Variants in IYD observed in about 807,000 individuals in gnomAD.
IYD encodes iodotyrosine deiodinase.
A neutral mutation model predicts 28.4 loss-of-function variants in IYD; 25 were observed. The observed-to-expected ratio is 0.88, with a 90% CI of 0.64 to 1.23. IYD has a LOEUF of 1.23. Among genes scored for constraint, IYD ranks in the 50% most tolerant of loss-of-function variants. The pLI is 0.00. For synonymous variants in IYD, 140 were observed against 130.8 expected (o/e 1.07, Z -0.48); for missense variants, 352 against 357.9 (o/e 0.98, Z 0.13).
At chr6:150,382,561 CTCTT>C (rs1777686363) in intron 1 of IYD, among the ~76,000 whole-genome samples, 1 of 137,352 alleles carries the variant, frequency 7.3e-6, no homozygotes, top group South Asian at 2.3e-4. Context: ...TTTCCTCTCT[CTCTT>C]CTCCTTTCAG....
At chr6:150,382,034 C>T (rs1777662736) in intron 1 of IYD, among the ~76,000 whole-genome samples, 2 of 152,168 alleles carry the variant, frequency 1.3e-5, no homozygotes, top group South Asian at 2.1e-4. Flanking sequence ...TGATGTACCA[C>T]GCAGATCCCC....
chr6:150,380,030 G>T (rs1344725298), intron 1 of IYD, among the ~76,000 whole-genome samples: 2 of 152,156 alleles, frequency 1.3e-5, no homozygotes, highest in African/African-American at 4.8e-5. Context: ...TCTTCAGAGA[G>T]TGAGGGAGGA....
At chr6:150,372,713 GGTGAGGGAACAT>G in intron 1 of IYD, among the ~76,000 whole-genome samples, 2 of 73,766 alleles carry the variant, frequency 2.7e-5, no homozygotes, top group African/African-American at 1.2e-4. Context: ...TGTTGGGGGT[GGTGAGGGAACAT>G]TGTGTGACCA....
At chr6:150,383,829 A>G (rs1007396758) in intron 1 of IYD, among the ~76,000 whole-genome samples, 10 of 150,624 alleles carry the variant, frequency 6.6e-5, no homozygotes, top group Non-Finnish European at 1.5e-4. Context: ...AACAAAAAAA[A>G]TTAATGTTTA....
At chr6:150,375,744 G>T (rs1218782311) in intron 1 of IYD, among the ~76,000 whole-genome samples, 2 of 152,156 alleles carry the variant, frequency 1.3e-5, no homozygotes, top group Admixed American at 6.5e-5. Flanking sequence ...TGAAGCAGCT[G>T]GGAAAGAGGC....
At chr6:150,383,618 A>G (rs928150589) in intron 1 of IYD, among the ~76,000 whole-genome samples, 1 of 152,152 alleles carries the variant, frequency 6.6e-6, no homozygotes, top group African/African-American at 2.4e-5. Flanking sequence ...TGCCACAACC[A>G]CAAATTGCAG....
chr6:150,392,593 G>A (rs933044444), intron 3 of IYD, 89 bp downstream of exon 3: 44 of 1,362,596 alleles, frequency 3.2e-5, no homozygotes, highest in South Asian at 6.1e-5. Context: ...TGTTGTAAGC[G>A]TGAAAAAGCT....
intron 1 of IYD, among the ~76,000 whole-genome samples, chr6:150,381,569 A>G (rs1777648410): frequency 1.3e-5 from 2 of 152,228 alleles, no homozygotes; most frequent in Non-Finnish European, 2.9e-5. Context: ...GTTAAGAAAT[A>G]TACACATCCA....
At chr6:150,397,991 G>C in intron 4 of IYD, 64 bp from the exon 5 acceptor site, 1 of 1,494,686 alleles carries the variant, frequency 6.7e-7, no homozygotes, top group Non-Finnish European at 9.3e-7. Context: ...AGGTCCCCAG[G>C]TTAGAGGGAG....
chr6:150,392,507 A>G lies in IYD; in HGVS notation c.530+3A>G. ...GTCACAGACCTCAAGAAACTGAGGT[A>G]CAAACAGTGGTGGAACTGGGGATGT... On this transcript the variant is annotated splice_donor_region_variant and intron_variant, in intron 3 of 4. Coordinates refer to ENST00000344419, the MANE Select transcript of IYD (RefSeq NM_203395.3). 3 of 1,613,646 alleles carry G rather than the reference A, an allele frequency of 1.9e-6. No individual in the cohort carries two copies. Among genetic ancestry groups the G allele is most frequent in the Non-Finnish European group, 2.5e-6 (3 of 1,179,684 alleles).
chr6:150,377,267 C>A (rs1339108), intron 1 of IYD, among the ~76,000 whole-genome samples: 6 of 152,040 alleles, frequency 3.9e-5, no homozygotes, highest in African/African-American at 1.4e-4. Context: ...CTAGTGGCTC[C>A]ACTGCTCTAG....
chr6:150,378,330 T>C, intron 1 of IYD, among the ~76,000 whole-genome samples: 1 of 148,604 alleles, frequency 6.7e-6, no homozygotes, highest in African/African-American at 2.5e-5. Flanking sequence ...CCCTCCCCGC[T>C]CCCCCCACCC....
chr6:150,398,313 T>C lies in IYD; in HGVS notation c.*76T>C. On this transcript the variant is annotated 3_prime_UTR_variant, in exon 5 of 5. Coordinates refer to ENST00000344419, the MANE Select transcript of IYD (RefSeq NM_203395.3). Reference sequence around the variant, plus strand: ...GAGCCTCTCGCCTGCTCCTCTTGGGTCTCTTGGCTGCTCTTTCTCCAGGTG... The same window carrying C: ...GAGCCTCTCGCCTGCTCCTCTTGGGCCTCTTGGCTGCTCTTTCTCCAGGTG... The C allele has an allele frequency of 2.1e-6, 3 of 1,438,656 alleles. No individual in the cohort carries two copies. The highest frequency in any genetic ancestry group is 2.9e-6 in the Non-Finnish European group (3 of 1,025,730). The allele number at this position is 1,438,656 out of a possible 1,614,324, so 89.1% of individuals were successfully genotyped here.
At chr6:150,381,926 C>T (rs1777659957) in intron 1 of IYD, among the ~76,000 whole-genome samples, 1 of 152,278 alleles carries the variant, frequency 6.6e-6, no homozygotes, top group Admixed American at 6.5e-5. Context: ...CTATTATCAA[C>T]TATTTCTGTA....
chr6:150,383,802 A>C (rs1273806323), intron 1 of IYD, among the ~76,000 whole-genome samples: 1 of 91,640 alleles, frequency 1.1e-5, no homozygotes, highest in African/African-American at 5.3e-5. Flanking sequence ...CTAAAAAAAA[A>C]AAAAAACAAA....
intron 1 of IYD, among the ~76,000 whole-genome samples, chr6:150,371,081 A>G (rs979029480): frequency 4.6e-5 from 7 of 152,222 alleles, no homozygotes; most frequent in African/African-American, 1.7e-4. Context: ...CTTGAGGGAC[A>G]CATGCGGTTA....
chr6:150,388,495 A>C (rs1562317444), intron 1 of IYD, among the ~76,000 whole-genome samples: 1 of 152,152 alleles, frequency 6.6e-6, no homozygotes. Flanking sequence ...AAAATACTTT[A>C]TTTAGAGATC....
At chr6:150,395,926 G>A in intron 4 of IYD, 1 of 488,452 alleles carries the variant, frequency 2.0e-6, no homozygotes, top group Non-Finnish European at 3.7e-6. Flanking sequence ...CCCTATCAAC[G>A]GGCATCAGCA....
intron 1 of IYD, among the ~76,000 whole-genome samples, chr6:150,375,650 G>A (rs560734810): frequency 6.6e-6 from 1 of 152,098 alleles, no homozygotes; most frequent in East Asian, 1.9e-4. Context: ...AACTACTTCT[G>A]TCCATAATTC....
Sources: gnomAD v4.1 joint callset for allele counts (sites outside exome capture counted in the v4.1 genomes callset) on GRCh38, gnomAD v4.1.1 for gene constraint, MANE v1.5 for transcripts, NCBI Gene and HGNC (gene_info 2026-07-23, HGNC 2026-07-21) for gene names.